Variants in FARP1 observed in about 807,000 individuals in gnomAD.
FARP1 encodes FERM, ARH/RhoGEF and pleckstrin domain protein 1.
A neutral mutation model predicts 128.8 loss-of-function variants in FARP1; 52 were observed. The ratio of observed to expected loss-of-function variants is 0.40; its 90% CI spans 0.32 to 0.51. FARP1 has a LOEUF of 0.51. FARP1 is among the 20% of genes least tolerant of loss of function. The probability of loss-of-function intolerance (pLI) is 0.45; values close to 1 mark genes in which losing one functional copy is unlikely to be tolerated. For missense variants in FARP1, 1,333 were observed against 1,367.9 expected (o/e 0.97, Z 0.40); for synonymous variants, 580 against 551.8 (o/e 1.05, Z -0.72).
intron 9 of FARP1, among the ~76,000 whole-genome samples, chr13:98,388,907 A>G (rs1455721683): frequency 6.6e-6 from 1 of 152,146 alleles, no homozygotes; most frequent in African/African-American, 2.4e-5. Context: ...ACTCATTTTC[A>G]TGGGCTAATT....
intron 2 of FARP1, among the ~76,000 whole-genome samples, chr13:98,262,416 G>C (rs1262743896): frequency 6.6e-6 from 1 of 152,104 alleles, no homozygotes; most frequent in Admixed American, 6.5e-5. Flanking sequence ...ACACTTAAGT[G>C]GCTGGAGGGC....
At chr13:98,366,755 C>T (rs948695149) in intron 4 of FARP1, among the ~76,000 whole-genome samples, 48 of 152,306 alleles carry the variant, frequency 3.2e-4, no homozygotes, top group African/African-American at 8.9e-4. Flanking sequence ...GCAGCCTTCT[C>T]GTCTTCCTCA....
At chr13:98,305,118 A>AT (rs10624948) in intron 2 of FARP1, among the ~76,000 whole-genome samples, 2,936 of 102,906 alleles carry the variant, frequency 0.029, 96 homozygotes, top group African/African-American at 0.089. Context: ...ATATATATAT[A>AT]TTTTTTAATT....
chr13:98,346,955 T>C (rs1021981013), intron 3 of FARP1, among the ~76,000 whole-genome samples: 7 of 152,180 alleles, frequency 4.6e-5, no homozygotes, highest in Non-Finnish European at 8.8e-5. Context: ...TAGTTACAGA[T>C]GCAAATGCAA....
In FARP1 at chr13:98,244,755, AT is replaced by A. The variant is rs767186219; in HGVS notation, c.171+31344del. On this transcript the variant is annotated intron_variant, in intron 2 of 26. Coordinates refer to ENST00000319562, the MANE Select transcript of FARP1 (RefSeq NM_005766.4). ...TTCATTATTTCATTCAAAGAAATTGATTGGCAATGGCCAGAGTTAAATTCAA... is the reference window on the plus strand; with the variant it reads ...TTCATTATTTCATTCAAAGAAATTGATGGCAATGGCCAGAGTTAAATTCAA... The A allele has an allele frequency of 7.2e-5, 116 of 1,602,012 alleles. 1 individual carries two copies. The African/African-American group carries it at 1.5e-3, about 21-fold the overall frequency.
At chr13:98,197,159 A>G (rs1879611435) in intron 1 of FARP1, among the ~76,000 whole-genome samples, 1 of 152,068 alleles carries the variant, frequency 6.6e-6, no homozygotes, top group Admixed American at 6.5e-5. Context: ...TTCCTTTTTC[A>G]TAAAGTTGTA....
chr13:98,428,446 A>G (rs1891872086), intron 17 of FARP1, among the ~76,000 whole-genome samples: 1 of 151,982 alleles, frequency 6.6e-6, no homozygotes, highest in South Asian at 2.1e-4. Flanking sequence ...CTGCTAGGCG[A>G]CCAGGCCAGC....
chr13:98,236,533 G>A (rs1462836191), intron 2 of FARP1, among the ~76,000 whole-genome samples: 1 of 151,892 alleles, frequency 6.6e-6, no homozygotes, highest in Non-Finnish European at 1.5e-5. Flanking sequence ...AAATATATTG[G>A]AAAATTTTTT....
chr13:98,452,409 C>T lies in FARP1; in HGVS notation c.*4092C>T, dbSNP rs536307629. 17 of 152,582 alleles carry T rather than the reference C, an allele frequency of 1.1e-4. No individual in the cohort carries two copies. Among genetic ancestry groups the T allele is most frequent in the African/African-American group, 3.9e-4 (16 of 41,494 alleles). 9.5% of individuals were successfully genotyped at this position (152,582 alleles called of 1,614,324 possible). On this transcript the variant is annotated 3_prime_UTR_variant, in exon 27 of 27. Coordinates refer to ENST00000319562, the MANE Select transcript of FARP1 (RefSeq NM_005766.4). ...AATTTAAAACACTAAGAAATAGTAC[C>T]ATCGATGAAAAAGGAAATCAACCTC...
chr13:98,308,075 A>G (rs1886264979), intron 2 of FARP1, among the ~76,000 whole-genome samples: 1 of 108,598 alleles, frequency 9.2e-6, no homozygotes, highest in Non-Finnish European at 1.7e-5. Context: ...TGCTAAATGC[A>G]GCTCCAAGGG....
At chr13:98,252,954 A>G (rs964325735) in intron 2 of FARP1, among the ~76,000 whole-genome samples, 2 of 152,218 alleles carry the variant, frequency 1.3e-5, no homozygotes, top group South Asian at 2.1e-4. Flanking sequence ...TGGCAAGCAT[A>G]GGCCCCTGAG....
rs368697847 is a variant in FARP1 at position 98,439,212 on chromosome 13, G to T, written c.2433+16G>T. 191 of 1,587,740 alleles carry T rather than the reference G, an allele frequency of 1.2e-4. No individual in the cohort carries two copies. Among genetic ancestry groups the T allele is most frequent in the Non-Finnish European group, 1.6e-4 (186 of 1,160,614 alleles). On this transcript the variant is annotated intron_variant, in intron 21 of 26. Transcript: ENST00000319562. ...TGGCATGACGGTGAGTACAGCACAG[G>T]CTCGTGGCCAGGGCCTGTCCTCGGG... is the stretch of plus-strand genomic sequence containing the variant.
At chr13:98,218,592 G>A (rs193153017) in intron 2 of FARP1, among the ~76,000 whole-genome samples, 1 of 152,298 alleles carries the variant, frequency 6.6e-6, no homozygotes, top group East Asian at 1.9e-4. Flanking sequence ...AGCCTGATTA[G>A]ACACAGTGGG....
At chr13:98,414,997 A>G (rs1891322919) in intron 16 of FARP1, among the ~76,000 whole-genome samples, 2 of 152,252 alleles carry the variant, frequency 1.3e-5, no homozygotes, top group African/African-American at 4.8e-5. Flanking sequence ...ATGTCTGAAC[A>G]CAGAAAAGGA....
At chr13:98,267,584 G>A (rs1295020480) in intron 2 of FARP1, among the ~76,000 whole-genome samples, 1 of 152,186 alleles carries the variant, frequency 6.6e-6, no homozygotes, top group African/African-American at 2.4e-5. Flanking sequence ...TATCCTTATT[G>A]GAAAATGTTC....
intron 17 of FARP1, among the ~76,000 whole-genome samples, chr13:98,427,850 T>C (rs553235308): frequency 2.0e-5 from 3 of 152,300 alleles, no homozygotes; most frequent in African/African-American, 4.8e-5. Context: ...AAAATAAAAA[T>C]AGACGGAGAG....
At chr13:98,344,623 G>T (rs1451439796) in intron 3 of FARP1, among the ~76,000 whole-genome samples, 1 of 152,200 alleles carries the variant, frequency 6.6e-6, no homozygotes, top group African/African-American at 2.4e-5. Flanking sequence ...ATGAATGTCT[G>T]TCGAAGCTCT....
chr13:98,355,128 A>C (rs1888587826), intron 3 of FARP1, among the ~76,000 whole-genome samples: 1 of 152,158 alleles, frequency 6.6e-6, no homozygotes, highest in African/African-American at 2.4e-5. Context: ...CATGTGGATC[A>C]CTTGAGCTCA....
chr13:98,317,559 AGGTGATT>A (rs1022992540), intron 2 of FARP1, among the ~76,000 whole-genome samples: 1 of 152,230 alleles, frequency 6.6e-6, no homozygotes, highest in African/African-American at 2.4e-5. Context: ...CCAGCTGAAA[AGGTGATT>A]GGTTGCTATC....
Sources: allele counts gnomAD v4.1 joint callset (sites outside exome capture counted in the v4.1 genomes callset), GRCh38; gene constraint gnomAD v4.1.1; transcripts MANE v1.5; gene names NCBI Gene and HGNC (gene_info 2026-07-23, HGNC 2026-07-21).